ZNF385D: variants seen among roughly 807,000 people sequenced by gnomAD.
ZNF385D encodes zinc finger protein 659.
A neutral mutation model predicts 35.8 loss-of-function variants in ZNF385D; 15 were observed. The observed-to-expected ratio is 0.42, with a 90% CI of 0.28 to 0.64. ZNF385D has a LOEUF of 0.64. Among genes scored for constraint, ZNF385D ranks in the 30% least tolerant of loss-of-function variants. The probability of loss-of-function intolerance (pLI) is 0.23; values close to 1 mark genes in which losing one functional copy is unlikely to be tolerated. For missense variants in ZNF385D, 474 were observed against 494.6 expected, an observed-to-expected ratio of 0.96 and a Z score of 0.39; for synonymous variants, 212 against 186.8, an observed-to-expected ratio of 1.13 and a Z score of -1.10.
chr3:22,029,040 T>C (rs140779658), intron 3 of ZNF385D, among the ~76,000 whole-genome samples: 1 of 152,082 alleles, frequency 6.6e-6, no homozygotes, highest in Non-Finnish European at 1.5e-5. Context: ...CTAGCACAGT[T>C]TTTGCTTCCT....
At chr3:21,482,095 T>C (rs1239349167) in intron 4 of ZNF385D, among the ~76,000 whole-genome samples, 2 of 152,122 alleles carry the variant, frequency 1.3e-5, no homozygotes, top group South Asian at 4.2e-4. Context: ...ATGAACTAAG[T>C]GTGATTTGCA....
intron 3 of ZNF385D, among the ~76,000 whole-genome samples, chr3:22,110,019 CA>C (rs1384686373): frequency 5.3e-5 from 8 of 152,028 alleles, no homozygotes; most frequent in African/African-American, 1.9e-4. Context: ...TTTATGCAGC[CA>C]AAAGACACAT....
chr3:22,187,197 C>G (rs1001283822), intron 2 of ZNF385D, among the ~76,000 whole-genome samples: 1 of 152,102 alleles, frequency 6.6e-6, no homozygotes, highest in African/African-American at 2.4e-5. Flanking sequence ...TGTTCAGTAC[C>G]TTTTTCTAGC....
At chr3:21,991,044 T>A (rs1427863293) in intron 3 of ZNF385D, among the ~76,000 whole-genome samples, 1 of 152,242 alleles carries the variant, frequency 6.6e-6, no homozygotes, top group African/African-American at 2.4e-5. Flanking sequence ...TATAATTATC[T>A]ATTTAAAATG....
intron 3 of ZNF385D, among the ~76,000 whole-genome samples, chr3:21,962,271 T>A (rs1157089395): frequency 2.0e-5 from 3 of 151,734 alleles, no homozygotes; most frequent in Non-Finnish European, 4.4e-5. Flanking sequence ...GATCAATAGG[T>A]GAGGGGAAAA....
chr3:22,007,465 G>C (rs77723621), intron 3 of ZNF385D, among the ~76,000 whole-genome samples: 29 of 152,294 alleles, frequency 1.9e-4, no homozygotes, highest in Non-Finnish European at 1.9e-4. Context: ...TGTATAAGTT[G>C]TTTAGTATGT....
intron 3 of ZNF385D, among the ~76,000 whole-genome samples, chr3:21,900,300 A>C: frequency 6.6e-6 from 1 of 152,164 alleles, no homozygotes; most frequent in East Asian, 1.9e-4. Context: ...TCAAATGTGA[A>C]AGGCAAATCA....
chr3:22,117,919 A>T (rs1408883660), intron 3 of ZNF385D, among the ~76,000 whole-genome samples: 1 of 152,090 alleles, frequency 6.6e-6, no homozygotes, highest in Non-Finnish European at 1.5e-5. Context: ...ATTTCTTAAC[A>T]TCTGAACATG....
intron 3 of ZNF385D, among the ~76,000 whole-genome samples, chr3:21,874,775 T>C (rs1430302827): frequency 1.3e-5 from 2 of 152,074 alleles, no homozygotes; most frequent in Non-Finnish European, 2.9e-5. Flanking sequence ...CCGTAAAAAA[T>C]GTTATTGAGA....
At chr3:21,561,603 A>G (rs1057094356) in intron 3 of ZNF385D, among the ~76,000 whole-genome samples, 1 of 152,212 alleles carries the variant, frequency 6.6e-6, no homozygotes, top group Non-Finnish European at 1.5e-5. Flanking sequence ...CCAGCTTGCC[A>G]GCAACTGGCC....
chr3:22,059,850 G>A (rs888109476), intron 3 of ZNF385D, among the ~76,000 whole-genome samples: 1 of 152,156 alleles, frequency 6.6e-6, no homozygotes, highest in African/African-American at 2.4e-5. Flanking sequence ...CTGTGTGGGT[G>A]TTTCTGGAAG....
At chr3:22,250,856 G>A (rs1011238196) in intron 2 of ZNF385D, among the ~76,000 whole-genome samples, 1 of 152,004 alleles carries the variant, frequency 6.6e-6, no homozygotes, top group Non-Finnish European at 1.5e-5. Flanking sequence ...AATCCCTCTT[G>A]TCAAAAATAC....
chr3:21,663,234 G>A (rs139754681), intron 2 of ZNF385D, among the ~76,000 whole-genome samples: 2,833 of 152,232 alleles, frequency 0.019, 43 homozygotes, highest in Middle Eastern at 0.031. Flanking sequence ...ATTTGCTCAG[G>A]ATCATGTAGC....
chr3:22,194,980 T>A (rs933009100), intron 2 of ZNF385D, among the ~76,000 whole-genome samples: 1 of 151,926 alleles, frequency 6.6e-6, no homozygotes, highest in African/African-American at 2.4e-5. Flanking sequence ...TTTTTATTTA[T>A]CTAGAATAAA....
At chr3:22,194,942 C>A (rs1346863470) in intron 2 of ZNF385D, among the ~76,000 whole-genome samples, 1 of 151,832 alleles carries the variant, frequency 6.6e-6, no homozygotes, top group African/African-American at 2.4e-5. Context: ...TTATAAATCC[C>A]TCATACAGGC....
intron 2 of ZNF385D, among the ~76,000 whole-genome samples, chr3:22,173,698 G>T (rs940411395): frequency 6.6e-6 from 1 of 152,062 alleles, no homozygotes; most frequent in Non-Finnish European, 1.5e-5. Context: ...CCATCGGATG[G>T]CTCTTTATCT....
intron 2 of ZNF385D, among the ~76,000 whole-genome samples, chr3:21,647,906 G>T (rs2335811): frequency 0.6 from 90,950 of 151,970 alleles, 27,909 homozygotes; most frequent in Non-Finnish European, 0.66. Context: ...TGGTATAAAC[G>T]TCAACCGATT....
intron 3 of ZNF385D, among the ~76,000 whole-genome samples, chr3:21,925,019 G>A (rs13097840): frequency 0.53 from 81,238 of 151,926 alleles, 23,797 homozygotes; most frequent in South Asian, 0.66. Context: ...AGAAAAATAA[G>A]TGGAGGTACA....
chr3:22,273,320 G>T (rs1052272135), intron 2 of ZNF385D, among the ~76,000 whole-genome samples: 5 of 151,956 alleles, frequency 3.3e-5, no homozygotes, highest in Admixed American at 6.6e-5. Flanking sequence ...TGAATAATGA[G>T]CAGCAGACAT....
Sources: allele counts gnomAD v4.1 joint callset (sites outside exome capture counted in the v4.1 genomes callset), GRCh38; gene constraint gnomAD v4.1.1; transcripts MANE v1.5; gene names NCBI Gene and HGNC (gene_info 2026-07-23, HGNC 2026-07-21).